Variants in EMSY observed in about 807,000 individuals in gnomAD.
EMSY encodes the protein EMSY transcriptional repressor, BRCA2 interacting.
Under a neutral mutation model 134.6 loss-of-function variants are expected in EMSY, and 26 were observed. The ratio of observed to expected loss-of-function variants is 0.19; its 90% confidence interval spans 0.14 to 0.27. The LOEUF is 0.27. Among genes scored for constraint, EMSY ranks in the 10% least tolerant of loss-of-function variants. EMSY has a pLI of 1.00. For synonymous variants in EMSY, 579 were observed against 577.8 expected (o/e 1.00, Z -0.03); for missense variants, 1,305 against 1,611.4 (o/e 0.81, Z 3.26).
intron 8 of EMSY, among the ~76,000 whole-genome samples, chr11:76,486,437 T>G (rs1327642564): frequency 6.6e-6 from 1 of 152,166 alleles, no homozygotes; most frequent in Non-Finnish European, 1.5e-5. Flanking sequence ...CTAACAGCAG[T>G]GAACAGAGGC....
At chr11:76,478,002 C>T (rs889436825) in intron 8 of EMSY, among the ~76,000 whole-genome samples, 22 of 152,212 alleles carry the variant, frequency 1.4e-4, no homozygotes, top group African/African-American at 5.1e-4. Context: ...CTCCTTGACC[C>T]ATCTTCAACC....
intron 15 of EMSY, 90 bp downstream of exon 16, chr11:76,536,149 CTATTATTTATTAT>C: frequency 1.2e-6 from 1 of 833,646 alleles, no homozygotes. Flanking sequence ...TTTATTATTA[CTATTATTTATTAT>C]TATTATTGCT....
chr11:76,542,278 G>A (rs1223183312), exon 18 of EMSY: 2 of 1,614,128 alleles, frequency 1.2e-6, no homozygotes, highest in Admixed American at 1.7e-5. Context: ...CCAGCATGTG[G>A]CTCAGTCACA....
chr11:76,500,100 C>T (rs1217336250), intron 9 of EMSY, among the ~76,000 whole-genome samples: 1 of 150,378 alleles, frequency 6.6e-6, no homozygotes, highest in Admixed American at 6.6e-5. Context: ...AAACCAAACC[C>T]AAAACAATAA....
intron 9 of EMSY, among the ~76,000 whole-genome samples, chr11:76,500,127 G>A (rs1015788704): frequency 4.0e-4 from 60 of 149,888 alleles, no homozygotes; most frequent in African/African-American, 1.4e-3. Flanking sequence ...TACTTATGTC[G>A]CCTATCACAT....
chr11:76,496,863 A>G (rs924449999), intron 9 of EMSY: 8 of 297,712 alleles, frequency 2.7e-5, no homozygotes, highest in South Asian at 9.4e-5. Flanking sequence ...TTCCTTTCCA[A>G]TCAATTGCTG....
chr11:76,458,563 A>G (rs1164899954), intron 5 of EMSY: 9 of 456,350 alleles, frequency 2.0e-5, no homozygotes, highest in African/African-American at 4.1e-5. Flanking sequence ...GAAGGTGTGA[A>G]TTATGTTAAT....
chr11:76,449,325 G>C (rs568651119), intron 2 of EMSY, among the ~76,000 whole-genome samples: 1 of 152,324 alleles, frequency 6.6e-6, no homozygotes, highest in East Asian at 1.9e-4. Context: ...AGAGGAGGAA[G>C]TGATGTGGAT....
chr11:76,511,646 G>A (rs1249476414), intron 9 of EMSY, among the ~76,000 whole-genome samples: 3 of 152,132 alleles, frequency 2.0e-5, no homozygotes, highest in Non-Finnish European at 2.9e-5. Context: ...GTTGCAGTGA[G>A]CTGAGATTGC....
rs189426345 is a variant in EMSY, at chr11:76,450,026, G to C, written c.71-1832G>C. On this transcript the variant is annotated intron_variant, in intron 2 of 20. Coordinates refer to ENST00000334736, the Ensembl canonical transcript of EMSY. Reference sequence around the variant, plus strand: ...TTACTGGAATAATATGAAACTATCTGTTCTTTTACTCTATTTCTTTTGTAC... The same window carrying C: ...TTACTGGAATAATATGAAACTATCTCTTCTTTTACTCTATTTCTTTTGTAC... 8.8e-5 allele frequency among the ~76,000 whole-genome samples: 13 copies of C among 147,216 alleles called. No homozygotes were observed. The East Asian group carries it at 2.6e-3, about 29-fold the overall frequency.
intron 19 of EMSY, 93 bp from the exon 21 acceptor site, chr11:76,545,704 C>G: frequency 7.1e-7 from 1 of 1,411,778 alleles, no homozygotes; most frequent in Non-Finnish European, 9.6e-7. Flanking sequence ...GTATAGCGCA[C>G]GAATGTTTCT....
In EMSY at chr11:76,513,371, T is replaced by G; in HGVS notation, c.1364-15T>G. On this transcript the variant is annotated splice_polypyrimidine_tract_variant and intron_variant, in intron 9 of 20. Coordinates refer to ENST00000334736, the Ensembl canonical transcript of EMSY. The stretch of plus-strand genomic sequence containing the variant: ...AAAATAATTTGTGCTGAGATTTATC[T>G]TTCTTCTTTCAAAGGTGTTAAAATC... The G allele has an allele frequency of 6.2e-7, 1 of 1,611,920 alleles. No individual in the cohort carries two copies. Among genetic ancestry groups the G allele is most frequent in the South Asian group, 1.1e-5 (1 of 90,854 alleles).
intron 9 of EMSY, among the ~76,000 whole-genome samples, chr11:76,499,664 G>A (rs1949786152): frequency 6.6e-6 from 1 of 152,012 alleles, no homozygotes; most frequent in African/African-American, 2.4e-5. Flanking sequence ...GGTTACATGT[G>A]CCGTTTTATT....
At chr11:76,512,579 G>A (rs1482691680) in intron 9 of EMSY, among the ~76,000 whole-genome samples, 2 of 150,586 alleles carry the variant, frequency 1.3e-5, no homozygotes, top group African/African-American at 2.4e-5. Flanking sequence ...CAGCCTCAAA[G>A]AGCATGTTTA....
At chr11:76,513,518 T>G in exon 10 of EMSY, 1 of 1,613,240 alleles carries the variant, frequency 6.2e-7, no homozygotes, top group Non-Finnish European at 8.5e-7. Flanking sequence ...ACAACTAAAC[T>G]GGTAACCACT....
intron 8 of EMSY, among the ~76,000 whole-genome samples, chr11:76,474,258 G>T (rs964712751): frequency 1.3e-5 from 2 of 151,928 alleles, no homozygotes; most frequent in Admixed American, 1.3e-4. Context: ...TTTAGTGTTC[G>T]TAGGTCTTAA....
Position 76,477,503 on chromosome 11 carries a change from A to G in EMSY, c.1108+4663A>G, listed in dbSNP as rs573935093. Among the ~76,000 whole-genome samples, 282 of 152,072 alleles carry G rather than the reference A, an allele frequency of 1.9e-3. 9 individuals are homozygous for G. In the South Asian group the frequency reaches 0.056, roughly 30 times the overall value. On this transcript the variant is annotated intron_variant, in intron 8 of 20. Coordinates refer to ENST00000334736, the Ensembl canonical transcript of EMSY. ...CTTTCATTTTTTAGCATATAAGCAA[A>G]TATGTATTTATTATATTTTACTTTT...
intron 7 of EMSY, among the ~76,000 whole-genome samples, chr11:76,470,230 A>G (rs1948517857): frequency 6.6e-6 from 1 of 152,132 alleles, no homozygotes; most frequent in Non-Finnish European, 1.5e-5. Flanking sequence ...AATTCTTTAG[A>G]TTTTTCAAAA....
intron 11 of EMSY, among the ~76,000 whole-genome samples, chr11:76,522,893 G>A (rs1415819433): frequency 1.3e-5 from 2 of 152,090 alleles, no homozygotes; most frequent in East Asian, 1.9e-4. Flanking sequence ...TGGTAAAACT[G>A]TTGTTCTTAG....
Sources: allele counts gnomAD v4.1 joint callset (sites outside exome capture counted in the v4.1 genomes callset), GRCh38; gene constraint gnomAD v4.1.1; transcripts MANE v1.5; gene names NCBI Gene and HGNC (gene_info 2026-07-23, HGNC 2026-07-21).